PKP4: variants seen among roughly 807,000 people sequenced by gnomAD.
PKP4 encodes the protein plakophilin-4.
Under a neutral mutation model 145.1 loss-of-function variants are expected in PKP4, and 90 were observed. That is an observed-to-expected ratio of 0.62 (90% CI 0.52 to 0.74). The LOEUF is 0.74. Among genes scored for constraint, PKP4 ranks in the 30% least tolerant of loss-of-function variants. PKP4 has a pLI of 0.00. For synonymous variants in PKP4, 563 were observed against 577.2 expected, an observed-to-expected ratio of 0.98 and a Z score of 0.35; for missense variants, 1,340 against 1,482.7, an observed-to-expected ratio of 0.90 and a Z score of 1.58.
chr2:158,624,799 T>C, intron 6 of PKP4, 79 bp from the exon 7 acceptor site: 1 of 1,063,318 alleles, frequency 9.4e-7, no homozygotes, highest in Non-Finnish European at 1.4e-6. Flanking sequence ...TGTAGTGAGC[T>C]ATGTGTATTT....
At chr2:158,484,155 C>T (rs2105444118) in intron 1 of PKP4, among the ~76,000 whole-genome samples, 1 of 151,348 alleles carries the variant, frequency 6.6e-6, no homozygotes, top group East Asian at 2.0e-4. Context: ...TCACGCCATT[C>T]TCCTGCCTCA....
intron 1 of PKP4, among the ~76,000 whole-genome samples, chr2:158,469,281 G>A (rs1331108941): frequency 1.3e-5 from 2 of 151,852 alleles, no homozygotes; most frequent in Admixed American, 6.6e-5. Context: ...GTAGAGATGA[G>A]GTTTTGCCAT....
intron 9 of PKP4, among the ~76,000 whole-genome samples, chr2:158,639,095 G>T (rs1473719877): frequency 6.6e-6 from 1 of 152,128 alleles, no homozygotes; most frequent in Non-Finnish European, 1.5e-5. Context: ...TTTTAATAGT[G>T]CTTACCTCAT....
intron 1 of PKP4, among the ~76,000 whole-genome samples, chr2:158,517,568 C>T (rs73966683): frequency 0.15 from 23,079 of 151,978 alleles, 1,925 homozygotes; most frequent in Middle Eastern, 0.21. Context: ...GTGGTTGATA[C>T]GTAAGTAGAT....
chr2:158,604,100 T>C (rs2050450700), intron 4 of PKP4, among the ~76,000 whole-genome samples: 1 of 152,154 alleles, frequency 6.6e-6, no homozygotes, highest in Admixed American at 6.5e-5. Context: ...AGTCACACCA[T>C]GAAATAATAT....
chr2:158,554,732 A>G (rs1391306285), intron 2 of PKP4, among the ~76,000 whole-genome samples: 3 of 152,114 alleles, frequency 2.0e-5, no homozygotes, highest in Non-Finnish European at 1.5e-5. Flanking sequence ...GCCAGAAATG[A>G]TTCTTCATCA....
intron 15 of PKP4, among the ~76,000 whole-genome samples, chr2:158,665,338 T>C (rs1188468499): frequency 2.0e-5 from 3 of 152,204 alleles, no homozygotes; most frequent in African/African-American, 7.2e-5. Context: ...ATAGATTTCA[T>C]GTGATTTGAA....
chr2:158,488,651 G>T (rs892612102), intron 1 of PKP4, among the ~76,000 whole-genome samples: 28 of 152,110 alleles, frequency 1.8e-4, no homozygotes, highest in African/African-American at 6.0e-4. Context: ...TGGAATCCAT[G>T]CCTTAGTGTA....
Position 158,621,360 on chromosome 2 carries a change from T to C in PKP4, c.542T>C (p.Ile181Thr), listed in dbSNP as rs2052215948. ...GACAACAGACAGCAGCATTCATTCA[T>C]AGGATCAACTAACAACCATGTGGTG... ...KADNRQQHSF[I>T]GSTNNHVVRN... Residue 181 changes from isoleucine to threonine, a missense_variant, in exon 6 of 22, where the codon ATA becomes ACA. Ile to Thr is a moderately conservative substitution (Grantham distance 89, BLOSUM62 -1). Transcript: ENST00000389759. The C allele has an allele frequency of 6.2e-7, 1 of 1,614,118 alleles. No individual in the cohort carries two copies. Among genetic ancestry groups the C allele is most frequent in the Non-Finnish European group, 8.5e-7 (1 of 1,179,998 alleles).
chr2:158,518,752 G>T (rs183815516), intron 1 of PKP4, among the ~76,000 whole-genome samples: 1 of 152,092 alleles, frequency 6.6e-6, no homozygotes, highest in Non-Finnish European at 1.5e-5. Flanking sequence ...CTGAGTCCTG[G>T]TATGTCCTAA....
intron 1 of PKP4, among the ~76,000 whole-genome samples, chr2:158,461,612 G>T (rs537134805): frequency 2.3e-4 from 35 of 149,350 alleles, no homozygotes; most frequent in African/African-American, 8.5e-4. Context: ...CAGGTAGCTA[G>T]ATATAGAATA....
At chr2:158,659,414 T>C (rs1421997178) in intron 12 of PKP4, 2 of 152,240 alleles carry the variant, frequency 1.3e-5, no homozygotes, top group Non-Finnish European at 2.9e-5. Flanking sequence ...GGGTCAGGGA[T>C]AGAAACATTT....
intron 9 of PKP4, among the ~76,000 whole-genome samples, chr2:158,635,933 C>T (rs1461299590): frequency 4.7e-5 from 1 of 21,338 alleles, no homozygotes; most frequent in Non-Finnish European, 3.1e-4. Flanking sequence ...TAATTCACTA[C>T]AAGTTTTATT....
chr2:158,673,778 G>A lies in PKP4; in HGVS notation c.3009+17G>A, dbSNP rs1427235027. The A allele has an allele frequency of 1.3e-6, 2 of 1,551,218 alleles. No homozygotes were observed. The highest frequency in any genetic ancestry group is 2.2e-5 in the East Asian group (1 of 44,568). On this transcript the variant is annotated intron_variant, in intron 18 of 21. Coordinates refer to ENST00000389759, the MANE Select transcript of PKP4 (RefSeq NM_003628.6). ...TATAAAAAGGTAACCTACAAGAATAGCTCTGGCATAATTAGCATTCATCAG... is the reference window on the plus strand; with the variant it reads ...TATAAAAAGGTAACCTACAAGAATAACTCTGGCATAATTAGCATTCATCAG...
At chr2:158,663,539 C>G in intron 15 of PKP4, 94 bp downstream of exon 15, 1 of 1,124,002 alleles carries the variant, frequency 8.9e-7, no homozygotes, top group Non-Finnish European at 1.3e-6. Flanking sequence ...CAGATCAGCC[C>G]TGATGGTGAA....
chr2:158,468,481 C>T (rs779252982), intron 1 of PKP4, among the ~76,000 whole-genome samples: 12 of 152,122 alleles, frequency 7.9e-5, no homozygotes, highest in Non-Finnish European at 1.6e-4. Context: ...ATAGCAGGCA[C>T]ATTTAATTTT....
At chr2:158,543,386 A>G (rs895822172) in intron 2 of PKP4, among the ~76,000 whole-genome samples, 6 of 152,338 alleles carry the variant, frequency 3.9e-5, no homozygotes, top group South Asian at 2.1e-4. Flanking sequence ...CCAAAGAACA[A>G]GAAATGGAAA....
intron 1 of PKP4, 37 bp downstream of exon 1, chr2:158,457,255 C>T (rs914020842): frequency 6.6e-6 from 1 of 151,812 alleles, no homozygotes; most frequent in Non-Finnish European, 1.5e-5. Flanking sequence ...GCGGAGACTC[C>T]TGCCCACGAG....
At chr2:158,487,402 A>G (rs1378638525) in intron 1 of PKP4, among the ~76,000 whole-genome samples, 1 of 152,216 alleles carries the variant, frequency 6.6e-6, no homozygotes, top group East Asian at 1.9e-4. Context: ...CAGTAAAAGA[A>G]ATCCATGATT....
Sources: allele counts gnomAD v4.1 joint callset (sites outside exome capture counted in the v4.1 genomes callset), GRCh38; gene constraint gnomAD v4.1.1; transcripts MANE v1.5; gene names NCBI Gene and HGNC (gene_info 2026-07-23, HGNC 2026-07-21).